The following SH3RF3 variants were observed in gnomAD, a reference collection of about 807,000 sequenced individuals.
SH3RF3 encodes SH3 domain containing ring finger 3, also known as E3 ubiquitin-protein ligase SH3RF3.
SH3RF3 carries 29 observed loss-of-function variants against 66.3 expected under a neutral mutation model. The observed-to-expected ratio is 0.44, with a 90% CI of 0.33 to 0.60. The LOEUF is 0.60. SH3RF3 is among the 20% of genes least tolerant of loss of function. The pLI, the probability that SH3RF3 is intolerant of heterozygous loss-of-function variation, is 0.04. For synonymous variants in SH3RF3, 583 were observed against 532.0 expected, an observed-to-expected ratio of 1.10 and a Z score of -1.32; for missense variants, 1,194 against 1,190.9, an observed-to-expected ratio of 1.00 and a Z score of -0.04.
intron 7 of SH3RF3, among the ~76,000 whole-genome samples, chr2:109,438,072 A>G (rs1169255470): frequency 1.3e-5 from 2 of 152,214 alleles, no homozygotes; most frequent in Non-Finnish European, 2.9e-5. Context: ...AAAATATACT[A>G]TTTCTTAGAC....
At chr2:109,185,190 T>A (rs1318349959) in intron 1 of SH3RF3, among the ~76,000 whole-genome samples, 1 of 152,238 alleles carries the variant, frequency 6.6e-6, no homozygotes, top group Non-Finnish European at 1.5e-5. Context: ...CCATTGGGAT[T>A]TAAAGGGTGG....
intron 1 of SH3RF3, among the ~76,000 whole-genome samples, chr2:109,217,290 A>C (rs895953631): frequency 1.3e-5 from 2 of 152,016 alleles, no homozygotes; most frequent in Non-Finnish European, 2.9e-5. Context: ...TGGTTTTTCA[A>C]ATACAGAGTC....
intron 1 of SH3RF3, among the ~76,000 whole-genome samples, chr2:109,180,245 G>T (rs1205493386): frequency 6.6e-6 from 1 of 152,084 alleles, no homozygotes; most frequent in Admixed American, 6.6e-5. Context: ...CAGGGCTTCG[G>T]CCTCCTTCCT....
intron 4 of SH3RF3, among the ~76,000 whole-genome samples, chr2:109,400,288 C>A (rs190703172): frequency 6.6e-6 from 1 of 152,076 alleles, no homozygotes; most frequent in Admixed American, 6.5e-5. Flanking sequence ...TGCACTCCCA[C>A]GCACATGTGC....
intron 8 of SH3RF3, among the ~76,000 whole-genome samples, chr2:109,485,103 T>G (rs1439499041): frequency 6.6e-6 from 1 of 152,246 alleles, no homozygotes; most frequent in Admixed American, 6.5e-5. Context: ...TGGCTAACTT[T>G]GCAAATTGAG....
intron 2 of SH3RF3, among the ~76,000 whole-genome samples, chr2:109,370,508 T>C (rs1381165372): frequency 6.6e-6 from 1 of 152,068 alleles, no homozygotes; most frequent in Admixed American, 6.5e-5. Flanking sequence ...CAAAGTGCTG[T>C]GATTACAGGC....
chr2:109,273,691 C>T (rs1042789847), intron 1 of SH3RF3, among the ~76,000 whole-genome samples: 2 of 152,122 alleles, frequency 1.3e-5, no homozygotes, highest in Admixed American at 1.3e-4. Context: ...CACACGTTGT[C>T]AGGGACGCAT....
chr2:109,138,541 A>G (rs896821677), intron 1 of SH3RF3, among the ~76,000 whole-genome samples: 5 of 152,202 alleles, frequency 3.3e-5, no homozygotes, highest in African/African-American at 1.2e-4. Flanking sequence ...GACTTCATGT[A>G]TTGTATTGAA....
chr2:109,303,411 A>G (rs1418872630), intron 1 of SH3RF3, among the ~76,000 whole-genome samples: 3 of 152,244 alleles, frequency 2.0e-5, no homozygotes, highest in Admixed American at 6.5e-5. Flanking sequence ...CGCTCACACT[A>G]TATTTTTAAT....
At chr2:109,377,730 C>T (rs1414596284) in intron 3 of SH3RF3, among the ~76,000 whole-genome samples, 1 of 152,170 alleles carries the variant, frequency 6.6e-6, no homozygotes, top group African/African-American at 2.4e-5. Flanking sequence ...ATGATGATAG[C>T]GTGCCTCATC....
intron 1 of SH3RF3, among the ~76,000 whole-genome samples, chr2:109,188,882 G>A (rs1382862375): frequency 6.6e-6 from 1 of 152,056 alleles, no homozygotes; most frequent in East Asian, 1.9e-4. Context: ...GCTTTGCCGG[G>A]GCATTGTGTA....
chr2:109,323,215 C>T (rs1431956721), intron 1 of SH3RF3, among the ~76,000 whole-genome samples: 2 of 152,108 alleles, frequency 1.3e-5, no homozygotes, highest in Non-Finnish European at 1.5e-5. Context: ...GGGCCGGGGG[C>T]CATCAGGACC....
At chr2:109,489,110 G>T (rs1454285206) in intron 8 of SH3RF3, among the ~76,000 whole-genome samples, 3 of 152,364 alleles carry the variant, frequency 2.0e-5, no homozygotes, top group Non-Finnish European at 2.9e-5. Flanking sequence ...GTTGGAGGCT[G>T]GGATCCACAC....
At chr2:109,331,962 C>T (rs1682297001) in intron 1 of SH3RF3, among the ~76,000 whole-genome samples, 2 of 152,178 alleles carry the variant, frequency 1.3e-5, no homozygotes. Context: ...GATGGGTCTT[C>T]CTGGTGCTGT....
At chr2:109,160,207 T>G (rs1295855513) in intron 1 of SH3RF3, among the ~76,000 whole-genome samples, 3 of 152,080 alleles carry the variant, frequency 2.0e-5, no homozygotes, top group Non-Finnish European at 4.4e-5. Flanking sequence ...GAGGGTCTTG[T>G]GGGATGAACA....
At chr2:109,323,953 C>T (rs1682090271) in intron 1 of SH3RF3, among the ~76,000 whole-genome samples, 1 of 152,206 alleles carries the variant, frequency 6.6e-6, no homozygotes, top group Admixed American at 6.5e-5. Flanking sequence ...CCATACCTAT[C>T]AGTAGTCACT....
chr2:109,296,748 G>A (rs780029087), intron 1 of SH3RF3, among the ~76,000 whole-genome samples: 6 of 152,166 alleles, frequency 3.9e-5, no homozygotes, highest in Non-Finnish European at 8.8e-5. Context: ...CAGAGGATTC[G>A]CGTGGCCTGG....
At chr2:109,222,583 C>T (rs1484570911) in intron 1 of SH3RF3, among the ~76,000 whole-genome samples, 2 of 152,210 alleles carry the variant, frequency 1.3e-5, no homozygotes, top group Non-Finnish European at 2.9e-5. Flanking sequence ...TGGGCTTAGC[C>T]TCCAGCATCC....
chr2:109,269,323 C>T (rs188344980), intron 1 of SH3RF3, among the ~76,000 whole-genome samples: 12 of 152,312 alleles, frequency 7.9e-5, no homozygotes, highest in African/African-American at 2.6e-4. Context: ...ATGGGAAAAC[C>T]TTGCCTTCCC....
Sources: allele counts gnomAD v4.1 joint callset (sites outside exome capture counted in the v4.1 genomes callset), GRCh38; gene constraint gnomAD v4.1.1; transcripts MANE v1.5; gene names NCBI Gene and HGNC (gene_info 2026-07-23, HGNC 2026-07-21).